The following GRM7 variants were observed in gnomAD, a reference collection of about 807,000 sequenced individuals.
GRM7 encodes the protein glutamate metabotropic receptor 7, also known as metabotropic glutamate receptor 7.
GRM7 carries 35 observed loss-of-function variants against 84.5 expected under a neutral mutation model. The ratio of observed to expected loss-of-function variants is 0.41; its 90% confidence interval spans 0.32 to 0.55. The LOEUF (loss-of-function observed/expected upper bound fraction) is 0.55. Ranked by LOEUF, GRM7 falls within the 20% of genes least tolerant of loss-of-function variation. The probability of loss-of-function intolerance (pLI) is 0.19; values close to 1 mark genes in which losing one functional copy is unlikely to be tolerated. For missense variants in GRM7, 1,003 were observed against 1,194.6 expected, an observed-to-expected ratio of 0.84 and a Z score of 2.36; for synonymous variants, 487 against 455.1, an observed-to-expected ratio of 1.07 and a Z score of -0.89.
intron 5 of GRM7, among the ~76,000 whole-genome samples, chr3:7,434,663 T>C (rs1329054399): frequency 2.0e-5 from 3 of 152,202 alleles, no homozygotes; most frequent in African/African-American, 7.2e-5. Flanking sequence ...ATGTATCTAT[T>C]TTTTATATAA....
chr3:7,738,602 A>T (rs1702581009), intron 9 of GRM7, among the ~76,000 whole-genome samples: 1 of 152,178 alleles, frequency 6.6e-6, no homozygotes, highest in South Asian at 2.1e-4. Flanking sequence ...TTTTATAGTA[A>T]TCAATTTAAG....
chr3:7,690,955 G>C (rs986150694), intron 9 of GRM7: 5 of 309,076 alleles, frequency 1.6e-5, no homozygotes, highest in African/African-American at 1.1e-4. Flanking sequence ...CCCAATCATT[G>C]TGAATGAGCA....
chr3:6,874,197 T>TA (rs1695223883), intron 1 of GRM7, among the ~76,000 whole-genome samples: 1 of 152,212 alleles, frequency 6.6e-6, no homozygotes, highest in Non-Finnish European at 1.5e-5. Context: ...TTGTTTGGCA[T>TA]ATAGCAAGTG....
intron 4 of GRM7, among the ~76,000 whole-genome samples, chr3:7,377,369 T>C (rs556656011): frequency 6.6e-6 from 1 of 152,342 alleles, no homozygotes; most frequent in South Asian, 2.1e-4. Flanking sequence ...CACACTATTT[T>C]GTTTATCTGA....
intron 1 of GRM7, among the ~76,000 whole-genome samples, chr3:7,068,513 T>C (rs1559418305): frequency 6.6e-6 from 1 of 152,036 alleles, no homozygotes; most frequent in Non-Finnish European, 1.5e-5. Flanking sequence ...AGAACCGGTT[T>C]TGATTTTAAA....
At chr3:7,252,350 C>T (rs190868084) in intron 2 of GRM7, among the ~76,000 whole-genome samples, 2 of 152,308 alleles carry the variant, frequency 1.3e-5, no homozygotes, top group African/African-American at 4.8e-5. Flanking sequence ...AGATGCAGAG[C>T]CCCAAAACTT....
At chr3:7,364,418 A>C (rs1029654233) in intron 4 of GRM7, among the ~76,000 whole-genome samples, 1 of 151,806 alleles carries the variant, frequency 6.6e-6, no homozygotes, top group African/African-American at 2.4e-5. Context: ...TGGATGTCTA[A>C]AAAATGTATT....
At chr3:7,511,679 T>G (rs1376962215) in intron 7 of GRM7, among the ~76,000 whole-genome samples, 2 of 152,240 alleles carry the variant, frequency 1.3e-5, no homozygotes, top group African/African-American at 4.8e-5. Flanking sequence ...TTCAAAACTA[T>G]GGTAAACTAC....
intron 1 of GRM7, among the ~76,000 whole-genome samples, chr3:6,890,991 C>CTTCTTTG (rs1230742481): frequency 6.6e-6 from 1 of 152,036 alleles, no homozygotes; most frequent in Non-Finnish European, 1.5e-5. Context: ...ATGTAATGGC[C>CTTCTTTG]TTCTTTGTGT....
At chr3:6,885,776 G>T (rs1483736079) in intron 1 of GRM7, among the ~76,000 whole-genome samples, 1 of 152,216 alleles carries the variant, frequency 6.6e-6, no homozygotes, top group Non-Finnish European at 1.5e-5. Context: ...AAGTTTTGTA[G>T]CAGCAACCTC....
chr3:6,930,483 A>G (rs1051226758), intron 1 of GRM7, among the ~76,000 whole-genome samples: 3 of 152,198 alleles, frequency 2.0e-5, no homozygotes, highest in Non-Finnish European at 4.4e-5. Flanking sequence ...ATTAATTATA[A>G]GAACTAAGCC....
At position 6,889,531 on chromosome 3, in the gene GRM7, C is replaced by T. The variant is rs559049699; in HGVS notation, c.519+27624C>T. On this transcript the variant is annotated intron_variant, in intron 1 of 9. Coordinates refer to ENST00000357716, the MANE Select transcript of GRM7 (RefSeq NM_000844.4). Reference sequence around the variant, plus strand: ...TTGGTTCTGTTTATATGCTGGATTACATTTATTGATTTGCATATATTGAAC... The same window carrying T: ...TTGGTTCTGTTTATATGCTGGATTATATTTATTGATTTGCATATATTGAAC... 2.5e-3 allele frequency among the ~76,000 whole-genome samples: 381 copies of T among 152,164 alleles called. 2 individuals carry two copies. The highest frequency in any genetic ancestry group is 8.6e-3 in the African/African-American group (358 of 41,516).
intron 9 of GRM7, chr3:7,686,509 A>C: frequency 1.3e-6 from 1 of 752,048 alleles, no homozygotes; most frequent in Non-Finnish European, 2.4e-6. Flanking sequence ...AGAATTAGAA[A>C]TGTTTCCATG....
chr3:7,308,097 T>C (rs1207464308), intron 4 of GRM7, among the ~76,000 whole-genome samples: 1 of 152,156 alleles, frequency 6.6e-6, no homozygotes, highest in Non-Finnish European at 1.5e-5. Context: ...AAAATACAAA[T>C]AATTCATTCT....
At chr3:7,614,488 T>A (rs910848819) in intron 8 of GRM7, among the ~76,000 whole-genome samples, 1 of 152,192 alleles carries the variant, frequency 6.6e-6, no homozygotes, top group Non-Finnish European at 1.5e-5. Context: ...AAGAATATCT[T>A]TCTAGCATTT....
intron 5 of GRM7, among the ~76,000 whole-genome samples, chr3:7,434,570 T>C (rs1559319236): frequency 6.6e-6 from 1 of 152,224 alleles, no homozygotes; most frequent in Non-Finnish European, 1.5e-5. Context: ...ACTATTTTTA[T>C]TTTTTAGTTG....
At chr3:7,676,139 T>C (rs943009101) in intron 8 of GRM7, among the ~76,000 whole-genome samples, 1 of 152,134 alleles carries the variant, frequency 6.6e-6, no homozygotes. Flanking sequence ...CATTATACAA[T>C]AAGCATCAGG....
chr3:6,984,657 GT>G (rs34171312), intron 1 of GRM7, among the ~76,000 whole-genome samples: 1 of 151,910 alleles, frequency 6.6e-6, no homozygotes, highest in African/African-American at 2.4e-5. Context: ...TGACACAGAT[GT>G]TTTTCTGGAT....
At chr3:7,371,793 T>C (rs1438285226) in intron 4 of GRM7, among the ~76,000 whole-genome samples, 1 of 152,156 alleles carries the variant, frequency 6.6e-6, no homozygotes, top group Non-Finnish European at 1.5e-5. Context: ...TTTCCTCTAA[T>C]GATTTGAAAG....
Sources: allele counts gnomAD v4.1 joint callset (sites outside exome capture counted in the v4.1 genomes callset), GRCh38; gene constraint gnomAD v4.1.1; transcripts MANE v1.5; gene names NCBI Gene and HGNC (gene_info 2026-07-23, HGNC 2026-07-21).